Variants in NUP153 observed in about 807,000 individuals in gnomAD.
The protein encoded by NUP153 is nucleoporin 153.
In NUP153, 27 loss-of-function variants were observed where a neutral mutation model predicts 134.6. The ratio of observed to expected loss-of-function variants is 0.20; its 90% CI spans 0.15 to 0.28. NUP153 has a LOEUF of 0.28. Among genes scored for constraint, NUP153 ranks in the 10% least tolerant of loss-of-function variants. NUP153 has a pLI of 1.00. For synonymous variants in NUP153, 640 were observed against 623.5 expected (o/e 1.03, Z -0.40); for missense variants, 1,821 against 1,731.3 (o/e 1.05, Z -0.92).
At position 17,628,588 on chromosome 6, in the gene NUP153, C is replaced by G; in HGVS notation, c.3544+67G>C. ...AATTGACTTGCTGCATCTGTCAAGG[C>G]AACTTGTAAAACGACAACTTGTAAA... On this transcript the variant is annotated intron_variant, in intron 18 of 21. Coordinates refer to ENST00000262077, the MANE Select transcript of NUP153 (RefSeq NM_005124.4). The surrounding 1 kb of genome is among the most constrained non-coding windows in gnomAD (Gnocchi z 5.4). 1 of 889,002 alleles carries G rather than the reference C, an allele frequency of 1.1e-6. No homozygotes were observed. The highest frequency in any genetic ancestry group is 1.5e-6 in the Non-Finnish European group (1 of 685,392). The allele number at this position is 889,002 out of a possible 1,614,324, so 55.1% of individuals were successfully genotyped here. A position where few individuals can be genotyped will look rare whatever the true frequency, so the allele number is the denominator to read the frequency against.
intron 16 of NUP153, among the ~76,000 whole-genome samples, chr6:17,636,929 A>G (rs531443722): frequency 6.6e-6 from 1 of 152,356 alleles, no homozygotes; most frequent in African/African-American, 2.4e-5. Flanking sequence ...CTGTACAAAA[A>G]GAGGAGGTCG....
chr6:17,681,177 G>A (rs1289286807), intron 2 of NUP153, among the ~76,000 whole-genome samples: 2 of 151,230 alleles, frequency 1.3e-5, no homozygotes, highest in Non-Finnish European at 2.9e-5. Flanking sequence ...GGCACAAAAA[G>A]ACAACTATCA....
chr6:17,628,619 A>AAAAAATAAT lies in NUP153; in HGVS notation c.3544+35_3544+36insATTATTTTT. 1 of 1,159,018 alleles carries AAAAAATAAT rather than the reference A, an allele frequency of 8.6e-7. No individual in the cohort carries two copies. The highest frequency in any genetic ancestry group is 1.1e-6 in the Non-Finnish European group (1 of 916,072). 71.8% of individuals were successfully genotyped at this position (1,159,018 alleles called of 1,614,324 possible). ...GTAAAACGACAACTTGTAAAAAAAA[A>AAAAAATAAT]AATAATAATAATAATAATAAAAAGT... On this transcript the variant is annotated intron_variant, in intron 18 of 21. Coordinates refer to ENST00000262077, the MANE Select transcript of NUP153 (RefSeq NM_005124.4). This position sits in a 1 kb window ranked among gnomAD's most constrained non-coding sequence, Gnocchi z 5.4.
intron 20 of NUP153, among the ~76,000 whole-genome samples, chr6:17,623,129 C>CA (rs71002235): frequency 0.17 from 12,062 of 72,736 alleles, 612 homozygotes; most frequent in Middle Eastern, 0.21. Flanking sequence ...GATTCTGTCT[C>CA]AAAAAAAAAA....
chr6:17,652,027 G>A (rs1766521136), intron 11 of NUP153: 7 of 406,718 alleles, frequency 1.7e-5, no homozygotes, highest in African/African-American at 1.2e-4. Flanking sequence ...TCCAGCCTGG[G>A]TGACAGAGTG....
chr6:17,622,111 TTG>T (rs1384202176), intron 20 of NUP153, among the ~76,000 whole-genome samples: 1 of 152,210 alleles, frequency 6.6e-6, no homozygotes, highest in Non-Finnish European at 1.5e-5. Flanking sequence ...TTGTTTTGTT[TTG>T]TGTTTTTTTG....
In NUP153 at chr6:17,688,410, A is replaced by T; in HGVS notation, c.320T>A (p.Val107Asp). Residue 107 changes from valine (V) to aspartate (D), a missense_variant, in exon 2 of 22, where the codon GTC becomes GAC. Val to Asp is a radical substitution (Grantham distance 152). Transcript: ENST00000262077. ...TDGRITPEPAVSNTEEPSTTS... is the reference protein window; with the variant it reads ...TDGRITPEPADSNTEEPSTTS... ...ATTTTACTTACCTTCTGTATTACTG[A>T]CTGCTGGCTCAGGTGTGATTCTCCC... 6.2e-7 allele frequency: 1 copy of T among 1,613,490 alleles called. No homozygotes were observed. The highest frequency in any genetic ancestry group is 1.7e-5 in the Admixed American group (1 of 60,024).
chr6:17,647,731 G>A (rs1766275472), intron 13 of NUP153, 76 bp downstream of exon 13: 1 of 922,970 alleles, frequency 1.1e-6, no homozygotes, highest in Non-Finnish European at 1.7e-6. Flanking sequence ...CACCACCAGT[G>A]GCATCTTAGA....
intron 1 of NUP153, among the ~76,000 whole-genome samples, chr6:17,703,197 C>CAAA (rs544859988): frequency 1.5e-5 from 1 of 67,724 alleles, no homozygotes; most frequent in Non-Finnish European, 3.0e-5. Context: ...GACTCCATCT[C>CAAA]AAAAAAAAAA....
At chr6:17,633,419 T>C (rs1452412783) in intron 16 of NUP153, among the ~76,000 whole-genome samples, 1 of 152,208 alleles carries the variant, frequency 6.6e-6, no homozygotes, top group Non-Finnish European at 1.5e-5. Context: ...TTCCTGACAT[T>C]TGTTACATGC....
intron 20 of NUP153, chr6:17,619,485 C>G (rs1764530928): frequency 6.6e-6 from 1 of 152,104 alleles, no homozygotes; most frequent in South Asian, 2.1e-4. Flanking sequence ...GCCAAGAAAG[C>G]CTGGTAGGAG....
At chr6:17,676,909 C>T (rs905940094) in intron 2 of NUP153, among the ~76,000 whole-genome samples, 10 of 152,228 alleles carry the variant, frequency 6.6e-5, no homozygotes, top group South Asian at 6.2e-4. Context: ...ATCAAGACCA[C>T]CTAAGCCTTA....
intron 14 of NUP153, among the ~76,000 whole-genome samples, chr6:17,642,625 A>G (rs1038832717): frequency 5.9e-5 from 9 of 152,250 alleles, no homozygotes; most frequent in Non-Finnish European, 1.2e-4. Context: ...AAAACAGTTT[A>G]GTGATTCTTC....
intron 17 of NUP153, among the ~76,000 whole-genome samples, chr6:17,631,654 T>C (rs542260336): frequency 6.6e-6 from 1 of 152,268 alleles, no homozygotes; most frequent in Middle Eastern, 3.4e-3. Flanking sequence ...GGCTTACTCT[T>C]TTACAGAAGA....
In NUP153 at chr6:17,637,187, G is replaced by A. The variant is rs1258890543; in HGVS notation, c.2430C>T (p.Asp810=). The A allele has an allele frequency of 6.2e-7, 1 of 1,613,622 alleles. No homozygotes were observed. Among genetic ancestry groups the A allele is most frequent in the African/African-American group, 1.3e-5 (1 of 74,902 alleles). Residue 810 remains aspartate, a synonymous_variant, in exon 16 of 22, where the codon GAC becomes GAT. Transcript: ENST00000262077. Reference sequence around the variant, plus strand: ...CAGACATACAGGACACACACTTATTGTCTTCTGCATTATTAGAAACACAGC... The same window carrying A: ...CAGACATACAGGACACACACTTATTATCTTCTGCATTATTAGAAACACAGC... ...SVCCVSNNAE[D]NKCVSCMSEK...
At chr6:17,622,985 C>T (rs1764723007) in intron 20 of NUP153, among the ~76,000 whole-genome samples, 1 of 151,926 alleles carries the variant, frequency 6.6e-6, no homozygotes, top group African/African-American at 2.4e-5. Flanking sequence ...AAAAAATCAG[C>T]CAGGTGTGGT....
chr6:17,670,653 T>C (rs1767850896), intron 5 of NUP153, among the ~76,000 whole-genome samples: 1 of 152,170 alleles, frequency 6.6e-6, no homozygotes. Flanking sequence ...TTTTTGTAAA[T>C]GCACTTTATC....
intron 8 of NUP153, among the ~76,000 whole-genome samples, chr6:17,667,575 A>C (rs949300261): frequency 6.6e-6 from 1 of 152,064 alleles, no homozygotes; most frequent in Non-Finnish European, 1.5e-5. Flanking sequence ...TCGGCCAGGC[A>C]TGGTGATAGG....
At chr6:17,636,990 GA>G (rs2113783623) in intron 16 of NUP153, among the ~76,000 whole-genome samples, 162 bp downstream of exon 16, 1 of 152,226 alleles carries the variant, frequency 6.6e-6, no homozygotes, top group South Asian at 2.1e-4. Context: ...TGAACATAAA[GA>G]TCTAGCTGCA....
Sources: gnomAD v4.1 joint callset for allele counts (sites outside exome capture counted in the v4.1 genomes callset) on GRCh38, gnomAD v4.1.1 for gene constraint, Gnocchi (gnomAD v3.1) non-coding constraint, MANE v1.5 for transcripts, NCBI Gene and HGNC (gene_info 2026-07-23, HGNC 2026-07-21) for gene names.